ACSS3: variants seen among roughly 807,000 people sequenced by gnomAD.
ACSS3 encodes acyl-CoA synthetase short-chain family member 3, mitochondrial.
In ACSS3, 64 loss-of-function variants were observed where a neutral mutation model predicts 84.2. The ratio of observed to expected loss-of-function variants is 0.76; its 90% CI spans 0.62 to 0.94. ACSS3 has a LOEUF of 0.94. ACSS3 is among the 40% of genes least tolerant of loss of function. The pLI is 0.00. For missense variants in ACSS3, 815 were observed against 867.6 expected (o/e 0.94, Z 0.76); for synonymous variants, 317 against 310.1 (o/e 1.02, Z -0.23).
intron 8 of ACSS3, among the ~76,000 whole-genome samples, chr12:81,181,124 A>G (rs1167182868): frequency 6.6e-6 from 1 of 152,158 alleles, no homozygotes; most frequent in East Asian, 1.9e-4. Context: ...GTCAGAACCA[A>G]TATCAACAAA....
chr12:81,187,197 T>C (rs955028798), intron 8 of ACSS3, among the ~76,000 whole-genome samples: 2 of 151,524 alleles, frequency 1.3e-5, no homozygotes, highest in Non-Finnish European at 3.0e-5. Context: ...AAACCATGGT[T>C]ACCAGGATTG....
chr12:81,166,649 A>G lies in ACSS3; in HGVS notation c.1099-8139A>G, dbSNP rs558910363. 9.8e-5 allele frequency among the ~76,000 whole-genome samples: 15 copies of G among 152,352 alleles called. No homozygotes were observed. In the South Asian group the frequency reaches 2.9e-3, roughly 29 times the overall value. On this transcript the variant is annotated intron_variant, in intron 7 of 15. Coordinates refer to ENST00000548058, the MANE Select transcript of ACSS3 (RefSeq NM_024560.4). ...AGAGAAAAGACTGATAAGACAACTG[A>G]AGAGCACTTTGGTGATCAGGGTATC...
chr12:81,192,418 A>T (rs796281342), intron 8 of ACSS3, among the ~76,000 whole-genome samples: 8 of 152,288 alleles, frequency 5.3e-5, no homozygotes, highest in African/African-American at 1.7e-4. Flanking sequence ...ACAGAAAGAA[A>T]AAAGAAAATA....
chr12:81,241,411 A>G (rs2033798514), intron 13 of ACSS3, among the ~76,000 whole-genome samples: 1 of 152,118 alleles, frequency 6.6e-6, no homozygotes, highest in Non-Finnish European at 1.5e-5. Context: ...GAATTGCCAC[A>G]CTGACTTCCA....
At chr12:81,241,375 G>A (rs1344123291) in intron 13 of ACSS3, among the ~76,000 whole-genome samples, 1 of 151,970 alleles carries the variant, frequency 6.6e-6, no homozygotes, top group Admixed American at 6.6e-5. Flanking sequence ...TGGGTCAAAT[G>A]GTATTTCTAG....
rs1421594630 is a variant in ACSS3 at position 81,242,451 on chromosome 12, C to G, written c.1719+8980C>G. ...GGTACAAGGAGGAACTGGTACCATTCCTTCTGAAACTATTCCAATCAATAG... is the reference window on the plus strand; with the variant it reads ...GGTACAAGGAGGAACTGGTACCATTGCTTCTGAAACTATTCCAATCAATAG... On this transcript the variant is annotated intron_variant, in intron 13 of 15. Coordinates refer to ENST00000548058, the MANE Select transcript of ACSS3 (RefSeq NM_024560.4). Among the ~76,000 whole-genome samples the G allele has an allele frequency of 2.0e-5, 3 of 150,548 alleles. No homozygotes were observed. The East Asian group carries it at 5.9e-4, about 29-fold the overall frequency.
chr12:81,152,128 T>A (rs1253797507), intron 7 of ACSS3, 32 bp downstream of exon 7: 1 of 1,547,556 alleles, frequency 6.5e-7, no homozygotes, highest in African/African-American at 1.4e-5. Context: ...CACATATAAA[T>A]GATATTTATT....
chr12:81,123,559 T>G (rs559977706), intron 2 of ACSS3, among the ~76,000 whole-genome samples: 1 of 152,178 alleles, frequency 6.6e-6, no homozygotes, highest in African/African-American at 2.4e-5. Flanking sequence ...GTTGTTGAGG[T>G]TTGTTGTTCA....
At chr12:81,219,510 G>GC (rs1447159601) in intron 10 of ACSS3, among the ~76,000 whole-genome samples, 1 of 152,046 alleles carries the variant, frequency 6.6e-6, no homozygotes, top group Non-Finnish European at 1.5e-5. Flanking sequence ...TATCAGGACA[G>GC]CACAGAAAGT....
At chr12:81,108,445 T>C (rs1332137674) in intron 1 of ACSS3, among the ~76,000 whole-genome samples, 1 of 151,810 alleles carries the variant, frequency 6.6e-6, no homozygotes, top group African/African-American at 2.4e-5. Context: ...GCCTGGTTAA[T>C]TTTTTGTATT....
At chr12:81,087,098 T>C (rs1881368584) in intron 1 of ACSS3, among the ~76,000 whole-genome samples, 1 of 152,104 alleles carries the variant, frequency 6.6e-6, no homozygotes, top group Non-Finnish European at 1.5e-5. Context: ...AGGAGTCCAA[T>C]TGGAAATACG....
At chr12:81,139,644 TA>T (rs1372099063) in intron 4 of ACSS3, among the ~76,000 whole-genome samples, 7 of 147,116 alleles carry the variant, frequency 4.8e-5, no homozygotes, top group South Asian at 2.1e-4. Context: ...TAATTATTGT[TA>T]TTTTTTTTTG....
At chr12:81,180,808 G>T (rs887525288) in intron 8 of ACSS3, among the ~76,000 whole-genome samples, 2 of 152,094 alleles carry the variant, frequency 1.3e-5, no homozygotes, top group Non-Finnish European at 2.9e-5. Flanking sequence ...GAGCCACTGC[G>T]CCAGGTCATG....
At chr12:81,208,105 T>G (rs756183360) in intron 9 of ACSS3, among the ~76,000 whole-genome samples, 6 of 152,164 alleles carry the variant, frequency 3.9e-5, no homozygotes, top group Non-Finnish European at 7.4e-5. Flanking sequence ...TCAAGTTATT[T>G]ATAGTTCACT....
intron 5 of ACSS3, among the ~76,000 whole-genome samples, chr12:81,148,932 C>T (rs974688552): frequency 6.8e-6 from 1 of 146,122 alleles, no homozygotes; most frequent in Admixed American, 6.9e-5. Context: ...ATTAGCTGAG[C>T]CTGGTGGCAT....
At chr12:81,173,017 G>C (rs1464459220) in intron 7 of ACSS3, among the ~76,000 whole-genome samples, 1 of 152,172 alleles carries the variant, frequency 6.6e-6, no homozygotes, top group African/African-American at 2.4e-5. Context: ...CAAGTAAATG[G>C]AAGCATAGAC....
chr12:81,199,713 T>C, intron 9 of ACSS3: 1 of 1,347,696 alleles, frequency 7.4e-7, no homozygotes, highest in Non-Finnish European at 9.8e-7. Context: ...TTATATCTGG[T>C]AAGTTACTAA....
intron 1 of ACSS3, among the ~76,000 whole-genome samples, chr12:81,081,911 T>C (rs763813936): frequency 6.6e-6 from 1 of 152,178 alleles, no homozygotes; most frequent in Non-Finnish European, 1.5e-5. Context: ...GAGATTAAGG[T>C]TGTTTAATCC....
chr12:81,236,556 G>A (rs1310485429), intron 13 of ACSS3, among the ~76,000 whole-genome samples: 1 of 151,222 alleles, frequency 6.6e-6, no homozygotes, highest in African/African-American at 2.4e-5. Flanking sequence ...CATATGGACA[G>A]CATCTATTTG....
Sources: allele counts gnomAD v4.1 joint callset (sites outside exome capture counted in the v4.1 genomes callset), GRCh38; gene constraint gnomAD v4.1.1; transcripts MANE v1.5; gene names NCBI Gene and HGNC (gene_info 2026-07-23, HGNC 2026-07-21).